MYO5A: variants seen among roughly 807,000 people sequenced by gnomAD.
MYO5A encodes the protein unconventional myosin-Va.
Under a neutral mutation model 249.7 loss-of-function variants are expected in MYO5A, and 98 were observed. That is an observed-to-expected ratio of 0.39 (90% CI 0.33 to 0.46). The LOEUF is 0.46. Among genes scored for constraint, MYO5A ranks in the 20% least tolerant of loss-of-function variants. The pLI is 0.98. For synonymous variants in MYO5A, 778 were observed against 810.6 expected, an observed-to-expected ratio of 0.96 and a Z score of 0.68; for missense variants, 1,696 against 2,308.8, an observed-to-expected ratio of 0.73 and a Z score of 5.44.
chr15:52,448,957 C>CTTT lies in MYO5A; in HGVS notation c.28-15675_28-15673dup, dbSNP rs145765339. Among the ~76,000 whole-genome samples the CTTT allele has an allele frequency of 2.4e-3, 136 of 55,616 alleles. 3 individuals carry two copies. Among genetic ancestry groups the CTTT allele is most frequent in the African/African-American group, 3.5e-3 (41 of 11,796 alleles). 36.5% of individuals were successfully genotyped at this position (55,616 alleles called of 152,430 possible). On this transcript the variant is annotated intron_variant, in intron 1 of 41. Transcript: ENST00000399233. ...TTTTTTTTTTTCTTTTCTTGTCTTT[C>CTTT]TTTTTTTTTTTTTTTTTTTTTTTTT...
intron 1 of MYO5A, among the ~76,000 whole-genome samples, chr15:52,489,197 G>A (rs1408809728): frequency 6.6e-6 from 1 of 152,160 alleles, no homozygotes; most frequent in Non-Finnish European, 1.5e-5. Flanking sequence ...TCATGATACT[G>A]AATTTGGCAC....
intron 18 of MYO5A, among the ~76,000 whole-genome samples, chr15:52,379,196 G>A (rs1053004462): frequency 2.7e-5 from 4 of 150,764 alleles, no homozygotes; most frequent in Non-Finnish European, 5.9e-5. Flanking sequence ...GTCATCCCCT[G>A]ATTTCTTGTT....
At chr15:52,366,625 T>C (rs569378181) in intron 23 of MYO5A, among the ~76,000 whole-genome samples, 1 of 122,288 alleles carries the variant, frequency 8.2e-6, no homozygotes, top group African/African-American at 3.6e-5. Flanking sequence ...ATCCATTGAT[T>C]TAGCAAAAAA....
intron 1 of MYO5A, among the ~76,000 whole-genome samples, chr15:52,461,962 C>A (rs1197273533): frequency 2.8e-5 from 4 of 145,308 alleles, no homozygotes; most frequent in Non-Finnish European, 5.9e-5. Context: ...GAGACTCCAT[C>A]TCAAAAAAAA....
At chr15:52,323,592 T>C (rs142606591) in intron 36 of MYO5A, 148 bp from the exon 37 acceptor site, 6 of 632,880 alleles carry the variant, frequency 9.5e-6, no homozygotes, top group East Asian at 3.0e-5. Context: ...TGAAGTCTTA[T>C]GTCATTGCTA....
At chr15:52,394,041 T>C (rs941353410) in intron 11 of MYO5A, among the ~76,000 whole-genome samples, 2 of 152,214 alleles carry the variant, frequency 1.3e-5, no homozygotes, top group African/African-American at 4.8e-5. Context: ...TGCTCAACTG[T>C]CAAAGAATAT....
intron 1 of MYO5A, among the ~76,000 whole-genome samples, chr15:52,519,713 A>G (rs1886907067): frequency 1.3e-5 from 2 of 151,718 alleles, no homozygotes; most frequent in African/African-American, 4.8e-5. Flanking sequence ...TATTAGTAAC[A>G]TTTGCTTGCA....
chr15:52,500,256 A>G (rs2077125728), intron 1 of MYO5A, among the ~76,000 whole-genome samples: 1 of 152,002 alleles, frequency 6.6e-6, no homozygotes, highest in Non-Finnish European at 1.5e-5. Flanking sequence ...CATTTCCCTA[A>G]TGATTAATGA....
At chr15:52,408,626 C>G (rs1293039727) in intron 6 of MYO5A, among the ~76,000 whole-genome samples, 1 of 152,104 alleles carries the variant, frequency 6.6e-6, no homozygotes, top group East Asian at 1.9e-4. Context: ...TTAGTTTATA[C>G]ATTTTAAATC....
chr15:52,488,206 T>A (rs2076864396), intron 1 of MYO5A, among the ~76,000 whole-genome samples: 1 of 148,196 alleles, frequency 6.7e-6, no homozygotes, highest in Non-Finnish European at 1.5e-5. Flanking sequence ...AGAGAAGGAT[T>A]AAAAAAAAAA....
At position 52,397,496 on chromosome 15, in the gene MYO5A, G is replaced by T; in HGVS notation, c.1054-30C>A. 1.9e-6 allele frequency: 3 copies of T among 1,610,140 alleles called. No individual in the cohort carries two copies. In the South Asian group the frequency reaches 3.3e-5, roughly 18 times the overall value. On this transcript the variant is annotated intron_variant, in intron 9 of 41. Transcript: ENST00000399233. ...CAAAAGATAATGAGTTATTTCCTAT[G>T]ACCAGATAAATCAAGTAAGAATCTC...
rs763734096 is a variant in MYO5A at position 52,416,298 on chromosome 15, A to G, written c.459T>C (p.Asp153=). The change falls in exon 5 of 42, where the codon GAT becomes GAC. Residue 153 remains aspartate, a synonymous_variant. Coordinates refer to ENST00000399233, the MANE Select transcript of MYO5A (RefSeq NM_001382347.1). ...TTACGATGATGGACTGATTTCGTTCATCTCTGTAAAATAAAAATTTTTTAA... is the reference window on the plus strand; with the variant it reads ...TTACGATGATGGACTGATTTCGTTCGTCTCTGTAAAATAAAAATTTTTTAA... ...AEEAYKQMAR[D]ERNQSIIVSG... 6 of 1,613,862 alleles carry G rather than the reference A, an allele frequency of 3.7e-6. No individual in the cohort carries two copies. The highest frequency in any genetic ancestry group is 5.1e-6 in the Non-Finnish European group (6 of 1,179,890).
intron 1 of MYO5A, among the ~76,000 whole-genome samples, chr15:52,458,431 T>G (rs1377997833): frequency 6.6e-6 from 1 of 151,884 alleles, no homozygotes; most frequent in Admixed American, 6.6e-5. Context: ...AATACAAAAA[T>G]TAGCCTGGCA....
intron 2 of MYO5A, among the ~76,000 whole-genome samples, chr15:52,431,526 G>A (rs566317238): frequency 6.6e-6 from 1 of 151,902 alleles, no homozygotes; most frequent in Non-Finnish European, 1.5e-5. Context: ...AGCTCTCTAT[G>A]CTAAGAGGGC....
At chr15:52,437,696 G>GA (rs1425361584) in intron 1 of MYO5A, among the ~76,000 whole-genome samples, 1 of 151,986 alleles carries the variant, frequency 6.6e-6, no homozygotes, top group Non-Finnish European at 1.5e-5. Flanking sequence ...GTGTCCAAGT[G>GA]AGTTTGTAGA....
chr15:52,365,015 A>G (rs16964921), intron 23 of MYO5A, among the ~76,000 whole-genome samples: 14,736 of 152,158 alleles, frequency 0.097, 2,202 homozygotes, highest in African/African-American at 0.32. Context: ...TAAAGTGTAC[A>G]TATTTTTATT....
At chr15:52,340,463 A>G (rs933690677) in intron 31 of MYO5A, 69 bp from the exon 32 acceptor site, 1 of 1,369,332 alleles carries the variant, frequency 7.3e-7, no homozygotes, top group African/African-American at 1.4e-5. Flanking sequence ...GGTGTAAGGC[A>G]TCGTGTTCAC....
intron 5 of MYO5A, among the ~76,000 whole-genome samples, chr15:52,414,937 C>T (rs941391993): frequency 2.0e-5 from 3 of 152,124 alleles, no homozygotes; most frequent in Non-Finnish European, 4.4e-5. Flanking sequence ...AAAGTATTCC[C>T]AGTATTTTTT....
At position 52,528,872 on chromosome 15, in the gene MYO5A, G is replaced by C. The variant is rs2077774187; in HGVS notation, c.-66C>G. The C allele has an allele frequency of 2.8e-6, 4 of 1,403,914 alleles. No individual in the cohort carries two copies. In the Admixed American group the frequency reaches 8.7e-5, roughly 30 times the overall value. The allele number at this position is 1,403,914 out of a possible 1,614,324, so 87.0% of individuals were successfully genotyped here. A position where few individuals can be genotyped will look rare whatever the true frequency, so the allele number is the denominator to read the frequency against. ...CCGCACCTCGCCTGGGCGGCCGCCC[G>C]AGCGGACTAGGAAGCGCCCGCAGCC... On this transcript the variant is annotated 5_prime_UTR_variant, in exon 1 of 42. Coordinates refer to ENST00000399233, the MANE Select transcript of MYO5A (RefSeq NM_001382347.1).
Sources: gnomAD v4.1 joint callset for allele counts (sites outside exome capture counted in the v4.1 genomes callset) on GRCh38, gnomAD v4.1.1 for gene constraint, MANE v1.5 for transcripts, NCBI Gene and HGNC (gene_info 2026-07-23, HGNC 2026-07-21) for gene names.